GRAMD4: variants seen among roughly 807,000 people sequenced by gnomAD.
GRAMD4 encodes the protein GRAM domain-containing protein 4.
Under a neutral mutation model 83.9 loss-of-function variants are expected in GRAMD4, and 25 were observed. The observed-to-expected ratio is 0.30, with a 90% CI of 0.22 to 0.42. The LOEUF (loss-of-function observed/expected upper bound fraction) is 0.42, where lower values mean the gene tolerates loss of function less well. Ranked by LOEUF, GRAMD4 falls within the 10% of genes least tolerant of loss-of-function variation. GRAMD4 has a pLI of 1.00. For missense variants in GRAMD4, 593 were observed against 788.7 expected (o/e 0.75, Z 2.97); for synonymous variants, 336 against 320.9 (o/e 1.05, Z -0.50).
At chr22:46,616,777 C>CAGGTTCCCCTGTGTGT (rs2081504166), upstream of GRAMD4, among the ~76,000 whole-genome samples, 2 of 116,504 alleles carry the variant, frequency 1.7e-5, no homozygotes, top group Non-Finnish European at 1.7e-5. Flanking sequence ...CCTGTGCGTG[C>CAGGTTCCCCTGTGTGT]AGGTTCCCCT....
chr22:46,592,427 T>C (rs1254457898), intron 1 of GRAMD4, among the ~76,000 whole-genome samples: 2 of 147,766 alleles, frequency 1.4e-5, no homozygotes, highest in Non-Finnish European at 3.0e-5. Flanking sequence ...CTGGGAAACA[T>C]AGGGAGGAGG....
chr22:46,617,387 C>T (rs1383389883), upstream of GRAMD4, among the ~76,000 whole-genome samples: 1 of 145,040 alleles, frequency 6.9e-6, no homozygotes, highest in Non-Finnish European at 1.5e-5. Context: ...CCTGTGTGTG[C>T]AGCTTCCCCT....
At chr22:46,617,161 T>C (rs2081513791), upstream of GRAMD4, among the ~76,000 whole-genome samples, 1 of 146,912 alleles carries the variant, frequency 6.8e-6, no homozygotes, top group African/African-American at 2.5e-5. Flanking sequence ...GGTTCCCCCG[T>C]GTGTAGGTTC....
chr22:46,657,063 T>A (rs977913625), intron 3 of GRAMD4, among the ~76,000 whole-genome samples: 1 of 152,246 alleles, frequency 6.6e-6, no homozygotes, highest in Non-Finnish European at 1.5e-5. Context: ...TTGTTCCACC[T>A]GAACTTAACC....
intron 1 of GRAMD4, among the ~76,000 whole-genome samples, chr22:46,599,736 G>A (rs559577541): frequency 6.9e-4 from 105 of 152,278 alleles, no homozygotes; most frequent in African/African-American, 2.3e-3. Context: ...GTTCTGTCTG[G>A]AAGATGGAGA....
chr22:46,605,658 G>A (rs73888576), intron 1 of GRAMD4, among the ~76,000 whole-genome samples: 15,515 of 152,292 alleles, frequency 0.1, 1,662 homozygotes, highest in African/African-American at 0.27. Context: ...GGGTGTGAAA[G>A]GGTCTCCCCT....
chr22:46,623,353 C>T (rs2081605005), intron 1 of GRAMD4, among the ~76,000 whole-genome samples: 1 of 152,218 alleles, frequency 6.6e-6, no homozygotes, highest in South Asian at 2.1e-4. Context: ...CTGCCGCATT[C>T]CGCAGCCCGG....
chr22:46,639,361 G>A (rs2081940701), intron 3 of GRAMD4, among the ~76,000 whole-genome samples: 1 of 125,596 alleles, frequency 8.0e-6, no homozygotes, highest in Non-Finnish European at 1.8e-5. Context: ...GTGTGTGCAC[G>A]TACGTGCACG....
At chr22:46,639,642 G>A (rs192894268) in intron 3 of GRAMD4, among the ~76,000 whole-genome samples, 5 of 152,176 alleles carry the variant, frequency 3.3e-5, no homozygotes, top group South Asian at 2.1e-4. Flanking sequence ...CTGTGTGTGC[G>A]TGTGCATGCC....
chr22:46,605,557 T>C (rs8141294), intron 1 of GRAMD4, among the ~76,000 whole-genome samples: 115,528 of 151,942 alleles, frequency 0.76, 45,638 homozygotes, highest in East Asian at 1. Context: ...CACCATTTTA[T>C]ACCCCACAAA....
At chr22:46,608,543 G>A (rs989574940) in intron 1 of GRAMD4, among the ~76,000 whole-genome samples, 2 of 151,598 alleles carry the variant, frequency 1.3e-5, no homozygotes, top group South Asian at 2.1e-4. Flanking sequence ...TCTGTGTGTG[G>A]TGGCGGGTGC....
chr22:46,633,110 A>G (rs1281766518), intron 2 of GRAMD4, among the ~76,000 whole-genome samples: 4 of 152,178 alleles, frequency 2.6e-5, no homozygotes, highest in African/African-American at 9.7e-5. Context: ...GCCCAGGCTG[A>G]CGTGCTGGAA....
At chr22:46,644,280 C>CGTGTT (rs2147257349) in intron 3 of GRAMD4, among the ~76,000 whole-genome samples, 1 of 151,848 alleles carries the variant, frequency 6.6e-6, no homozygotes, top group South Asian at 2.1e-4. Flanking sequence ...GTCCCTGTTC[C>CGTGTT]ATGTTACACC....
chr22:46,634,277 C>CCTTG (rs1390324682), intron 2 of GRAMD4, among the ~76,000 whole-genome samples: 1 of 152,122 alleles, frequency 6.6e-6, no homozygotes, highest in Non-Finnish European at 1.5e-5. Flanking sequence ...CTGTCTCTGA[C>CCTTG]CTTGCCTTGC....
chr22:46,656,129 C>G (rs1282061822), intron 3 of GRAMD4, among the ~76,000 whole-genome samples: 1 of 151,868 alleles, frequency 6.6e-6, no homozygotes, highest in South Asian at 2.1e-4. Flanking sequence ...GTCCAGGATG[C>G]TGAAGGACAC....
chr22:46,638,035 GC>G, intron 3 of GRAMD4, 75 bp downstream of exon 3: 1 of 1,511,610 alleles, frequency 6.6e-7, no homozygotes, highest in Non-Finnish European at 9.1e-7. Context: ...ATGTCGTCTT[GC>G]CCAGGAGCTG....
intron 2 of GRAMD4, among the ~76,000 whole-genome samples, chr22:46,636,705 C>T (rs149242319): frequency 3.3e-5 from 5 of 152,374 alleles, no homozygotes; most frequent in East Asian, 1.9e-4. Context: ...CACCAGGTCC[C>T]TGGCAGGATG....
intron 3 of GRAMD4, among the ~76,000 whole-genome samples, chr22:46,652,097 T>TC (rs1377295786): frequency 5.3e-5 from 8 of 152,234 alleles, no homozygotes; most frequent in Non-Finnish European, 8.8e-5. Flanking sequence ...AGTGTCCATG[T>TC]CCCCCCAGCC....
At chr22:46,664,218 G>C (rs1358908700) in intron 8 of GRAMD4, 101 bp downstream of exon 8, 2 of 838,584 alleles carry the variant, frequency 2.4e-6, no homozygotes, top group African/African-American at 3.3e-5. Flanking sequence ...TGGCCCCCAG[G>C]TGGCACTTCC....
Sources: gnomAD v4.1 joint callset for allele counts (sites outside exome capture counted in the v4.1 genomes callset) on GRCh38, gnomAD v4.1.1 for gene constraint, MANE v1.5 for transcripts, NCBI Gene and HGNC (gene_info 2026-07-23, HGNC 2026-07-21) for gene names.